Variants in CTBP2 observed in about 807,000 individuals in gnomAD.
CTBP2 encodes C-terminal-binding protein 2.
CTBP2 carries 30 observed loss-of-function variants against 80.3 expected under a neutral mutation model. That is an observed-to-expected ratio of 0.37 (90% CI 0.28 to 0.51). The LOEUF (loss-of-function observed/expected upper bound fraction) is 0.51. CTBP2 is among the 20% of genes least tolerant of loss of function. The probability of loss-of-function intolerance (pLI) is 0.93; values close to 1 mark genes in which losing one functional copy is unlikely to be tolerated. For synonymous variants in CTBP2, 594 were observed against 587.4 expected (o/e 1.01, Z -0.16); for missense variants, 1,212 against 1,375.3 (o/e 0.88, Z 1.88).
chr10:125,016,015 G>A (rs1956441297), intron 1 of CTBP2, among the ~76,000 whole-genome samples: 1 of 141,184 alleles, frequency 7.1e-6, no homozygotes, highest in Non-Finnish European at 1.6e-5. Flanking sequence ...AACGCCTACT[G>A]TGCGCTGGGT....
chr10:125,009,519 A>G (rs1955630686), intron 1 of CTBP2, among the ~76,000 whole-genome samples: 1 of 152,186 alleles, frequency 6.6e-6, no homozygotes, highest in Non-Finnish European at 1.5e-5. Flanking sequence ...GCTTCCTCTT[A>G]AATGCGGCCT....
intron 2 of CTBP2, among the ~76,000 whole-genome samples, chr10:125,093,627 G>C (rs553978263): frequency 4.6e-5 from 7 of 152,310 alleles, no homozygotes. Context: ...CGACACAGCT[G>C]GGTGGGAATG....
At chr10:125,008,135 AG>A (rs2134354995) in intron 1 of CTBP2, among the ~76,000 whole-genome samples, 1 of 151,952 alleles carries the variant, frequency 6.6e-6, no homozygotes, top group South Asian at 2.1e-4. Context: ...TAGCAGAGAC[AG>A]GGTTTCGCGA....
At chr10:125,010,003 C>A (rs1409785930) in intron 1 of CTBP2, among the ~76,000 whole-genome samples, 1 of 152,102 alleles carries the variant, frequency 6.6e-6, no homozygotes, top group African/African-American at 2.4e-5. Context: ...GTGAGCAAGC[C>A]ACGGTGACTC....
In CTBP2 at chr10:124,985,090, C is replaced by A; in HGVS notation, c.*4428G>T. On this transcript the variant is annotated 3_prime_UTR_variant, in exon 9 of 9. Transcript: ENST00000309035. ...GCAGAGTCGACATCATGGAATGAAC[C>A]AAATCTGGCAGGATCTGCTCGGGGA... 1.1e-6 allele frequency: 1 copy of A among 945,284 alleles called. No homozygotes were observed. Among genetic ancestry groups the A allele is most frequent in the African/African-American group, 1.6e-5 (1 of 61,018 alleles). 58.6% of individuals were successfully genotyped at this position (945,284 alleles called of 1,614,324 possible). A position where few individuals can be genotyped will look rare whatever the true frequency, so the allele number is the denominator to read the frequency against.
chr10:125,141,707 C>T (rs1231809664), intron 1 of CTBP2, among the ~76,000 whole-genome samples: 1 of 150,814 alleles, frequency 6.6e-6, no homozygotes, highest in African/African-American at 2.5e-5. Context: ...ACACGGTAAA[C>T]ACTCAGCAAG....
intron 3 of CTBP2, among the ~76,000 whole-genome samples, chr10:125,037,438 T>G (rs897843514): frequency 6.6e-6 from 1 of 152,200 alleles, no homozygotes; most frequent in Non-Finnish European, 1.5e-5. Context: ...AAGTACTCAG[T>G]AACCTCAATC....
chr10:125,029,337 G>C (rs555029102), upstream of CTBP2, among the ~76,000 whole-genome samples: 15 of 151,664 alleles, frequency 9.9e-5, no homozygotes, highest in Non-Finnish European at 1.8e-4. Context: ...CGCCTCCTGG[G>C]TTCAAGCAAT....
At chr10:125,125,130 C>G (rs2136073796) in intron 1 of CTBP2, among the ~76,000 whole-genome samples, 2 of 152,332 alleles carry the variant, frequency 1.3e-5, no homozygotes, top group South Asian at 4.1e-4. Flanking sequence ...ATGATTCTTC[C>G]AGTTTTCTTC....
chr10:124,994,421 G>T, intron 5 of CTBP2, 48 bp downstream of exon 7: 1 of 1,583,326 alleles, frequency 6.3e-7, no homozygotes, highest in Non-Finnish European at 8.7e-7. Context: ...ACAAGCAAGT[G>T]CTACCACCTT....
intron 2 of CTBP2, among the ~76,000 whole-genome samples, chr10:125,044,853 C>G (rs1190827398): frequency 6.6e-6 from 1 of 152,160 alleles, no homozygotes; most frequent in African/African-American, 2.4e-5. Context: ...ACTGGCCCAG[C>G]CTTTGATTAA....
At chr10:125,065,357 C>T (rs1844462687) in intron 2 of CTBP2, among the ~76,000 whole-genome samples, 1 of 152,136 alleles carries the variant, frequency 6.6e-6, no homozygotes, top group Non-Finnish European at 1.5e-5. Flanking sequence ...TCTCAATGTG[C>T]ACTTTTTAAA....
At chr10:125,099,506 C>T (rs1334290493) in intron 2 of CTBP2, among the ~76,000 whole-genome samples, 2 of 152,228 alleles carry the variant, frequency 1.3e-5, no homozygotes, top group Non-Finnish European at 2.9e-5. Context: ...AAGATACCCC[C>T]ATCCTGAACT....
In CTBP2 at chr10:124,994,696, A is replaced by G. The variant is rs1432051346; in HGVS notation, c.2186-13T>C. On this transcript the variant is annotated splice_polypyrimidine_tract_variant and intron_variant, in intron 4 of 8. Coordinates refer to ENST00000309035, the MANE Select transcript of CTBP2 (RefSeq NM_022802.3). Reference sequence around the variant, plus strand: ...TGCCCCGTGCGACCTGTACAGAAACAGAGCGTCCAGGTGAGTGAGTCCACA... The same window carrying G: ...TGCCCCGTGCGACCTGTACAGAAACGGAGCGTCCAGGTGAGTGAGTCCACA... 1.4e-5 allele frequency: 22 copies of G among 1,613,826 alleles called. No homozygotes were observed. Among genetic ancestry groups the G allele is most frequent in the Non-Finnish European group, 1.8e-5 (21 of 1,179,696 alleles).
intron 1 of CTBP2, among the ~76,000 whole-genome samples, chr10:125,024,097 A>G (rs1957315724): frequency 6.6e-6 from 1 of 152,144 alleles, no homozygotes; most frequent in African/African-American, 2.4e-5. Context: ...TCCTCCACAC[A>G]CACACCGTCT....
At chr10:125,032,381 C>T (rs1958336428), upstream of CTBP2, among the ~76,000 whole-genome samples, 1 of 152,208 alleles carries the variant, frequency 6.6e-6, no homozygotes, top group Admixed American at 6.5e-5. Context: ...GAGGTCTCCT[C>T]GGCTGTCCTG....
intron 2 of CTBP2, among the ~76,000 whole-genome samples, chr10:125,089,374 A>G (rs925753387): frequency 1.5e-4 from 23 of 152,218 alleles, no homozygotes; most frequent in Admixed American, 1.3e-3. Flanking sequence ...TTATTTTGTG[A>G]AAGAGCCGAC....
At chr10:125,005,767 C>A (rs1240933946) in intron 1 of CTBP2, 2 of 1,612,922 alleles carry the variant, frequency 1.2e-6, no homozygotes, top group Admixed American at 3.3e-5. Context: ...TACTTGAGGT[C>A]TGAGCGCACA....
chr10:125,040,492 C>A (rs1590259907), intron 2 of CTBP2, among the ~76,000 whole-genome samples: 3 of 143,746 alleles, frequency 2.1e-5, no homozygotes, highest in Admixed American at 6.9e-5. Flanking sequence ...GCTTGAATCT[C>A]AACTGGGAAA....
Sources: allele counts gnomAD v4.1 joint callset (sites outside exome capture counted in the v4.1 genomes callset), GRCh38; gene constraint gnomAD v4.1.1; transcripts MANE v1.5; gene names NCBI Gene and HGNC (gene_info 2026-07-23, HGNC 2026-07-21).